Variants in DAAM1 observed in about 807,000 individuals in gnomAD.
DAAM1 encodes disheveled-associated activator of morphogenesis 1.
In DAAM1, 52 loss-of-function variants were observed where a neutral mutation model predicts 130.0. The ratio of observed to expected loss-of-function variants is 0.40; its 90% CI spans 0.32 to 0.50. DAAM1 has a LOEUF of 0.50. Ranked by LOEUF, DAAM1 falls within the 20% of genes least tolerant of loss-of-function variation. DAAM1 has a pLI of 0.61. For missense variants in DAAM1, 1,134 were observed against 1,303.8 expected (o/e 0.87, Z 2.01); for synonymous variants, 452 against 444.5 (o/e 1.02, Z -0.21).
chr14:59,310,954 T>C (rs1394650504), intron 3 of DAAM1, among the ~76,000 whole-genome samples: 1 of 126,414 alleles, frequency 7.9e-6, no homozygotes, highest in Non-Finnish European at 1.8e-5. Flanking sequence ...TAAGAACATC[T>C]TAAACTGAAA....
intron 1 of DAAM1, among the ~76,000 whole-genome samples, chr14:59,251,183 TCA>T (rs1337627029): frequency 6.6e-6 from 1 of 152,252 alleles, no homozygotes; most frequent in African/African-American, 2.4e-5. Flanking sequence ...GTTTTCTATT[TCA>T]CAGTCATAAT....
intron 1 of DAAM1, among the ~76,000 whole-genome samples, chr14:59,224,002 G>T (rs1888858652): frequency 6.6e-6 from 1 of 152,176 alleles, no homozygotes; most frequent in South Asian, 2.1e-4. Flanking sequence ...GAAGGGAAAG[G>T]TGATCAAGAT....
intron 19 of DAAM1, 144 bp downstream of exon 19, chr14:59,354,108 T>C: frequency 1.3e-6 from 1 of 747,880 alleles, no homozygotes; most frequent in Non-Finnish European, 2.2e-6. Flanking sequence ...TTGCCCAGGC[T>C]GGAGTGCAGT....
intron 1 of DAAM1, among the ~76,000 whole-genome samples, chr14:59,221,363 TAGGG>T (rs1401925681): frequency 6.6e-5 from 10 of 152,340 alleles, no homozygotes; most frequent in African/African-American, 2.4e-4. Context: ...CATAACAAAA[TAGGG>T]AGGAAATACT....
intron 1 of DAAM1, among the ~76,000 whole-genome samples, chr14:59,195,009 G>A (rs893647667): frequency 1.3e-5 from 2 of 152,178 alleles, no homozygotes; most frequent in African/African-American, 2.4e-5. Flanking sequence ...ATGCCTTAAC[G>A]GCATATTGCC....
chr14:59,259,814 G>A (rs1299962435), intron 1 of DAAM1, among the ~76,000 whole-genome samples: 1 of 152,204 alleles, frequency 6.6e-6, no homozygotes, highest in Non-Finnish European at 1.5e-5. Context: ...GGAGGCCGAG[G>A]CAGGCAGATC....
chr14:59,332,254 C>A (rs1404147832), intron 15 of DAAM1, among the ~76,000 whole-genome samples: 1 of 152,134 alleles, frequency 6.6e-6, no homozygotes, highest in East Asian at 1.9e-4. Flanking sequence ...AATTGTCACC[C>A]CACAATGTTT....
intron 16 of DAAM1, among the ~76,000 whole-genome samples, chr14:59,343,852 G>A (rs1397058701): frequency 6.6e-6 from 1 of 152,160 alleles, no homozygotes; most frequent in East Asian, 1.9e-4. Flanking sequence ...TAAAAGGTGT[G>A]CATTTGAATG....
intron 1 of DAAM1, among the ~76,000 whole-genome samples, chr14:59,221,003 C>T (rs990354482): frequency 6.6e-6 from 1 of 152,216 alleles, no homozygotes; most frequent in Non-Finnish European, 1.5e-5. Flanking sequence ...TACCCTTTAA[C>T]CCAGTCAAAT....
At chr14:59,191,446 C>T (rs897209158) in intron 1 of DAAM1, among the ~76,000 whole-genome samples, 8 of 151,902 alleles carry the variant, frequency 5.3e-5, no homozygotes, top group South Asian at 4.2e-4. Context: ...ATATGTTAAA[C>T]GAATATTAAG....
At chr14:59,360,408 A>G (rs1886660369) in intron 21 of DAAM1, among the ~76,000 whole-genome samples, 1 of 152,260 alleles carries the variant, frequency 6.6e-6, no homozygotes, top group South Asian at 2.1e-4. Context: ...TACAGAGTAC[A>G]ATGTGAACAT....
intron 1 of DAAM1, among the ~76,000 whole-genome samples, chr14:59,230,304 C>CTTT (rs34764413): frequency 2.1e-5 from 3 of 142,328 alleles, no homozygotes; most frequent in African/African-American, 7.7e-5. Flanking sequence ...TGCTTAGAGG[C>CTTT]TTTTTTTTTT....
At chr14:59,360,755 A>G in intron 21 of DAAM1, 47 bp from the exon 22 acceptor site, 2 of 1,519,456 alleles carry the variant, frequency 1.3e-6, no homozygotes, top group African/African-American at 1.4e-5. Flanking sequence ...TATATTTAAT[A>G]TGTGTAAGTC....
At chr14:59,342,022 C>T (rs1229038601) in intron 16 of DAAM1, among the ~76,000 whole-genome samples, 1 of 152,112 alleles carries the variant, frequency 6.6e-6, no homozygotes, top group African/African-American at 2.4e-5. Flanking sequence ...TGGCAAATTT[C>T]CCATTCTGTT....
chr14:59,202,705 G>A (rs1299388140), intron 1 of DAAM1, among the ~76,000 whole-genome samples: 1 of 152,184 alleles, frequency 6.6e-6, no homozygotes, highest in Non-Finnish European at 1.5e-5. Flanking sequence ...TTTCCCCAAT[G>A]AAATGCTCTT....
At chr14:59,283,700 A>C (rs1429182816) in intron 2 of DAAM1, among the ~76,000 whole-genome samples, 5 of 152,172 alleles carry the variant, frequency 3.3e-5, no homozygotes, top group African/African-American at 1.2e-4. Flanking sequence ...AGATGAGGAT[A>C]TAGAGGCTTA....
At chr14:59,242,135 C>G (rs1177118855) in intron 1 of DAAM1, among the ~76,000 whole-genome samples, 1 of 152,170 alleles carries the variant, frequency 6.6e-6, no homozygotes, top group Non-Finnish European at 1.5e-5. Context: ...CTAAGAGGAA[C>G]AGAGTTGGGA....
intron 22 of DAAM1, 186 bp from the exon 23 acceptor site, chr14:59,363,465 G>A: frequency 2.9e-6 from 2 of 692,006 alleles, no homozygotes; most frequent in East Asian, 5.9e-5. Flanking sequence ...TGTGCACATG[G>A]GCATGGCTTT....
intron 24 of DAAM1, among the ~76,000 whole-genome samples, chr14:59,368,080 G>A (rs562403216): frequency 6.3e-4 from 96 of 152,194 alleles, no homozygotes; most frequent in African/African-American, 2.2e-3. Flanking sequence ...AATACATATA[G>A]AAAATAATAG....
Sources: gnomAD v4.1 joint callset for allele counts (sites outside exome capture counted in the v4.1 genomes callset) on GRCh38, gnomAD v4.1.1 for gene constraint, MANE v1.5 for transcripts, NCBI Gene and HGNC (gene_info 2026-07-23, HGNC 2026-07-21) for gene names.